ACADL: variants seen among roughly 807,000 people sequenced by gnomAD.
ACADL encodes acyl-CoA dehydrogenase long chain, also known as long-chain specific acyl-CoA dehydrogenase, mitochondrial.
In ACADL, 60 loss-of-function variants were observed where a neutral mutation model predicts 56.9. The observed-to-expected ratio is 1.05, with a 90% CI of 0.86 to 1.31. The LOEUF (loss-of-function observed/expected upper bound fraction) is 1.31. ACADL is among the 50% of genes most tolerant of loss of function. The pLI is 0.00. For synonymous variants in ACADL, 158 were observed against 179.7 expected (o/e 0.88, Z 0.97); for missense variants, 484 against 525.5 (o/e 0.92, Z 0.77).
chr2:210,192,209 G>A (rs1188275880), intron 10 of ACADL, among the ~76,000 whole-genome samples: 5 of 149,442 alleles, frequency 3.3e-5, no homozygotes, highest in East Asian at 2.0e-4. Context: ...GTATTTGGCC[G>A]GATGCAGTGG....
At chr2:210,201,395 T>C (rs140999220) in intron 8 of ACADL, among the ~76,000 whole-genome samples, 36 of 152,262 alleles carry the variant, frequency 2.4e-4, no homozygotes, top group African/African-American at 6.5e-4. Context: ...TATTCACAAG[T>C]AGGAAAATAT....
At chr2:210,212,061 G>T (rs1433498232) in intron 4 of ACADL, among the ~76,000 whole-genome samples, 1 of 151,446 alleles carries the variant, frequency 6.6e-6, no homozygotes, top group Non-Finnish European at 1.5e-5. Flanking sequence ...TTGAACTCCT[G>T]ACCTCAGTTG....
chr2:210,208,164 A>G (rs1342716656), intron 5 of ACADL, among the ~76,000 whole-genome samples: 1 of 152,190 alleles, frequency 6.6e-6, no homozygotes, highest in Non-Finnish European at 1.5e-5. Context: ...TAGTATCTAC[A>G]GTATGCTCTC....
intron 1 of ACADL, chr2:210,224,299 C>G: frequency 6.8e-6 from 4 of 587,652 alleles, no homozygotes; most frequent in Non-Finnish European, 8.5e-6. Context: ...AAGTATGTAT[C>G]CTAAAGAAAA....
At position 210,218,458 on chromosome 2, in the gene ACADL, A is replaced by AT. The variant is rs572300571; in HGVS notation, c.234-357dup. On this transcript the variant is annotated intron_variant, in intron 2 of 10. Coordinates refer to ENST00000233710, the MANE Select transcript of ACADL (RefSeq NM_001608.4). ...ACAAGGCCAGGCTAATTAAAAAAAAATTTTTTTTTGTAGAGACGGGGTCTT... is the reference window on the plus strand; with the variant it reads ...ACAAGGCCAGGCTAATTAAAAAAAAATTTTTTTTTTGTAGAGACGGGGTCTT... The AT allele has an allele frequency of 5.5e-4, 132 of 238,492 alleles. 1 individual carries two copies. Among genetic ancestry groups the AT allele is most frequent in the South Asian group, 2.7e-3 (52 of 19,258 alleles). The allele number at this position is 238,492 out of a possible 1,614,324, so 14.8% of individuals were successfully genotyped here.
At chr2:210,204,944 A>T (rs1688859420) in intron 6 of ACADL, among the ~76,000 whole-genome samples, 1 of 152,206 alleles carries the variant, frequency 6.6e-6, no homozygotes, top group Non-Finnish European at 1.5e-5. Flanking sequence ...GGTACTTGGA[A>T]CTAAGGATTT....
intron 8 of ACADL, 115 bp downstream of exon 8, chr2:210,203,216 C>G: frequency 1.3e-6 from 1 of 751,416 alleles, no homozygotes; most frequent in Non-Finnish European, 2.4e-6. Flanking sequence ...TCATCCACTT[C>G]CATGGTTTCT....
At chr2:210,224,844 A>G (rs1319176451) in intron 1 of ACADL, 1 of 1,035,252 alleles carries the variant, frequency 9.7e-7, no homozygotes, top group Non-Finnish European at 1.2e-6. Flanking sequence ...CCTCCTCCCA[A>G]AACGCAGGCT....
At chr2:210,216,286 T>A (rs1210958479) in intron 4 of ACADL, 61 bp downstream of exon 4, 1 of 1,576,194 alleles carries the variant, frequency 6.3e-7, no homozygotes, top group East Asian at 2.2e-5. Flanking sequence ...ATTAACCAAG[T>A]ACTAAGAAAA....
At chr2:210,212,098 G>T (rs1451425548) in intron 4 of ACADL, among the ~76,000 whole-genome samples, 3 of 149,944 alleles carry the variant, frequency 2.0e-5, no homozygotes, top group African/African-American at 7.3e-5. Flanking sequence ...CTCCGAAAGT[G>T]TTGGGATTAC....
At chr2:210,189,574 GT>G (rs1294420635) in intron 10 of ACADL, among the ~76,000 whole-genome samples, 1 of 151,980 alleles carries the variant, frequency 6.6e-6, no homozygotes. Flanking sequence ...CAAGTAACTT[GT>G]TTTTTGGAAA....
chr2:210,218,337 G>C (rs1689123544), intron 2 of ACADL: 1 of 439,838 alleles, frequency 2.3e-6, no homozygotes, highest in East Asian at 4.5e-5. Flanking sequence ...CTGGTGTGCA[G>C]TGGCACAATC....
chr2:210,206,825 C>T (rs943234907), intron 5 of ACADL, among the ~76,000 whole-genome samples: 1 of 152,002 alleles, frequency 6.6e-6, no homozygotes, highest in Admixed American at 6.6e-5. Flanking sequence ...TCTCTCTCAC[C>T]CAGGCTGGAG....
chr2:210,189,165 G>T, intron 10 of ACADL, 111 bp from the exon 11 acceptor site: 1 of 729,092 alleles, frequency 1.4e-6, no homozygotes, highest in Non-Finnish European at 2.4e-6. Context: ...AACAATAAAA[G>T]TCCTTCATAA....
At chr2:210,201,113 A>G (rs1688784812) in intron 8 of ACADL, among the ~76,000 whole-genome samples, 1 of 152,154 alleles carries the variant, frequency 6.6e-6, no homozygotes, top group South Asian at 2.1e-4. Context: ...GACGGGGTGG[A>G]GCCTCGGGAA....
chr2:210,220,611 A>T, intron 2 of ACADL, 36 bp downstream of exon 2: 1 of 1,595,252 alleles, frequency 6.3e-7, no homozygotes, highest in Non-Finnish European at 8.6e-7. Flanking sequence ...TAATACCCCT[A>T]GTATACATTA....
intron 8 of ACADL, among the ~76,000 whole-genome samples, chr2:210,202,839 C>T (rs1005329694): frequency 2.0e-5 from 3 of 152,136 alleles, no homozygotes; most frequent in African/African-American, 4.8e-5. Context: ...TATTGTTTTA[C>T]GTCCTCATTT....
chr2:210,217,298 A>C (rs1689102821), intron 3 of ACADL, among the ~76,000 whole-genome samples: 1 of 152,168 alleles, frequency 6.6e-6, no homozygotes, highest in African/African-American at 2.4e-5. Context: ...TTCTATGTCA[A>C]AGAGCAGGAA....
At chr2:210,209,447 C>T (rs1688944089) in intron 5 of ACADL, 1 of 152,122 alleles carries the variant, frequency 6.6e-6, no homozygotes, top group Admixed American at 6.6e-5. Context: ...TCCAATTCTA[C>T]CAGTGAGTTG....
Sources: gnomAD v4.1 joint callset for allele counts (sites outside exome capture counted in the v4.1 genomes callset) on GRCh38, gnomAD v4.1.1 for gene constraint, MANE v1.5 for transcripts, NCBI Gene and HGNC (gene_info 2026-07-23, HGNC 2026-07-21) for gene names.